Variants in NCKAP1 observed in about 807,000 individuals in gnomAD.
NCKAP1 encodes the protein NCK associated protein 1.
Under a neutral mutation model 151.2 loss-of-function variants are expected in NCKAP1, and 21 were observed. The ratio of observed to expected loss-of-function variants is 0.14; its 90% CI spans 0.10 to 0.20. The LOEUF (loss-of-function observed/expected upper bound fraction) is 0.20, where lower values mean the gene tolerates loss of function less well. NCKAP1 is among the 10% of genes least tolerant of loss of function. The pLI, the probability that NCKAP1 is intolerant of heterozygous loss-of-function variation, is 1.00. For missense variants in NCKAP1, 933 were observed against 1,352.1 expected (o/e 0.69, Z 4.86); for synonymous variants, 484 against 451.8 (o/e 1.07, Z -0.90).
intron 17 of NCKAP1, 36 bp from the exon 18 acceptor site, chr2:182,962,314 T>A: frequency 6.5e-7 from 1 of 1,542,092 alleles, no homozygotes; most frequent in South Asian, 1.2e-5. Flanking sequence ...ATACAAGTTA[T>A]AAAGAAAGTA....
At chr2:183,021,736 T>C (rs1372205849) in intron 2 of NCKAP1, among the ~76,000 whole-genome samples, 1 of 152,156 alleles carries the variant, frequency 6.6e-6, no homozygotes, top group African/African-American at 2.4e-5. Context: ...ATCTTCAGAA[T>C]AGGCACAGAG....
At chr2:182,962,794 C>A (rs1248578803) in intron 17 of NCKAP1, among the ~76,000 whole-genome samples, 2 of 150,528 alleles carry the variant, frequency 1.3e-5, no homozygotes, top group East Asian at 3.9e-4. Context: ...ATTCAAATCT[C>A]TAAAATCAAA....
chr2:182,935,165 T>C, intron 25 of NCKAP1, 128 bp downstream of exon 25: 2 of 714,250 alleles, frequency 2.8e-6, no homozygotes, highest in Non-Finnish European at 4.5e-6. Context: ...TGTTATTTTC[T>C]GTAACTACTA....
intron 29 of NCKAP1, among the ~76,000 whole-genome samples, chr2:182,927,558 G>A (rs1336958993): frequency 6.7e-6 from 1 of 149,388 alleles, no homozygotes; most frequent in Non-Finnish European, 1.5e-5. Flanking sequence ...AGAAAAGAAA[G>A]AACTACATTG....
intron 29 of NCKAP1, 92 bp from the exon 30 acceptor site, chr2:182,926,997 A>T (rs1363007126): frequency 2.5e-6 from 2 of 795,320 alleles, no homozygotes; most frequent in Admixed American, 2.5e-5. Flanking sequence ...AACACATTTC[A>T]ATCATTCAGT....
intron 15 of NCKAP1, 152 bp from the exon 16 acceptor site, chr2:182,967,513 C>T (rs926337741): frequency 1.5e-6 from 1 of 676,058 alleles, no homozygotes; most frequent in Non-Finnish European, 2.4e-6. Context: ...TCTGTAGTGA[C>T]CCTACCTTGA....
chr2:182,978,779 C>A, intron 14 of NCKAP1, 55 bp downstream of exon 14: 1 of 1,051,934 alleles, frequency 9.5e-7, no homozygotes, highest in Admixed American at 2.5e-5. Flanking sequence ...CCTTAATAAT[C>A]AAGTTTGAAA....
chr2:183,028,818 T>C (rs1698948522), intron 1 of NCKAP1, among the ~76,000 whole-genome samples: 1 of 152,126 alleles, frequency 6.6e-6, no homozygotes. Context: ...AGATTTTCCA[T>C]AAAAACAATT....
At chr2:182,926,364 C>T (rs953053292) in intron 30 of NCKAP1, among the ~76,000 whole-genome samples, 1 of 152,014 alleles carries the variant, frequency 6.6e-6, no homozygotes, top group East Asian at 1.9e-4. Flanking sequence ...AGGAAAATAA[C>T]TCTAAGTGGG....
At chr2:182,953,026 T>G (rs1575026469) in intron 21 of NCKAP1, 87 bp downstream of exon 21, 2 of 1,475,930 alleles carry the variant, frequency 1.4e-6, no homozygotes, top group East Asian at 4.6e-5. Context: ...ATAATATGAA[T>G]AAGTACTTAT....
In NCKAP1 at chr2:182,989,994, A is replaced by AAT. The variant is rs748958173; in HGVS notation, c.791-810_791-809dup. ...GACAGAGCAAGACTCTGTCTCAAAA[A>AAT]ATATATATATATAATTTATATATAT... On this transcript the variant is annotated intron_variant, in intron 8 of 30. Coordinates refer to ENST00000361354, the MANE Select transcript of NCKAP1 (RefSeq NM_013436.5). Among the ~76,000 whole-genome samples, 760 of 150,044 alleles carry AAT rather than the reference A, an allele frequency of 5.1e-3. 11 individuals carry two copies. Among genetic ancestry groups the AAT allele is most frequent in the African/African-American group, 0.017 (716 of 41,140 alleles).
chr2:183,009,230 C>T (rs554090675), intron 2 of NCKAP1, among the ~76,000 whole-genome samples: 4 of 151,982 alleles, frequency 2.6e-5, no homozygotes, highest in African/African-American at 7.2e-5. Context: ...AAAAATTAGC[C>T]GGCATGGCAG....
chr2:183,010,740 G>C (rs1698577138), intron 2 of NCKAP1, among the ~76,000 whole-genome samples: 1 of 152,098 alleles, frequency 6.6e-6, no homozygotes, highest in African/African-American at 2.4e-5. Context: ...TATATACCGT[G>C]GTATAGTGGG....
At chr2:183,001,616 C>T (rs972340279) in intron 6 of NCKAP1, among the ~76,000 whole-genome samples, 11 of 152,012 alleles carry the variant, frequency 7.2e-5, no homozygotes, top group East Asian at 1.9e-4. Flanking sequence ...TTAAGTAACT[C>T]GACAAATATT....
chr2:182,983,112 G>A (rs1429876753), intron 11 of NCKAP1, among the ~76,000 whole-genome samples, 174 bp downstream of exon 11: 2 of 152,192 alleles, frequency 1.3e-5, no homozygotes, highest in Non-Finnish European at 2.9e-5. Context: ...ATATAAGGGA[G>A]AAGAATGCAG....
Position 182,957,509 on chromosome 2 carries a change from T to C in NCKAP1, c.1969A>G (p.Arg657Gly). 1.2e-6 allele frequency: 2 copies of C among 1,614,064 alleles called. No homozygotes were observed. Among genetic ancestry groups the C allele is most frequent in the Non-Finnish European group, 1.7e-6 (2 of 1,179,946 alleles). ...ATGCTCTCAACACCTGGTTTCTCCC[T>C]TTCAGGTTCCCCTTTCTTACCAGTC... ...KQTGKKGEPE[R>G]EKPGVESMRK... Residue 657 changes from arginine (R) to glycine (G), a missense_variant, in exon 19 of 31, where the codon AGG (arginine) becomes GGG (glycine). Physicochemically the swap from Arg to Gly is moderately radical, Grantham distance 125. Coordinates refer to ENST00000361354, the MANE Select transcript of NCKAP1 (RefSeq NM_013436.5).
At chr2:182,969,701 G>C (rs1399542231) in intron 15 of NCKAP1, among the ~76,000 whole-genome samples, 4 of 151,932 alleles carry the variant, frequency 2.6e-5, no homozygotes, top group African/African-American at 9.7e-5. Context: ...AAAGTAGAAA[G>C]ACCAAATAAC....
rs752431522 is a variant in NCKAP1 at position 182,962,290 on chromosome 2, GAAT to G, written c.1762-15_1762-13del. 39 of 1,569,770 alleles carry G rather than the reference GAAT, an allele frequency of 2.5e-5. No individual in the cohort carries two copies. The highest frequency in any genetic ancestry group is 4.1e-5 in the African/African-American group (3 of 73,860). The stretch of plus-strand genomic sequence containing the variant: ...CCAATATGATGTCGCTGTGAAGGCA[GAAT>G]AATAATAATAATACAAGTTATAAAG... On this transcript the variant is annotated splice_polypyrimidine_tract_variant and intron_variant, in intron 17 of 30. Coordinates refer to ENST00000361354, the MANE Select transcript of NCKAP1 (RefSeq NM_013436.5).
In NCKAP1 at chr2:182,950,915, C is replaced by T. The variant is rs190704906; in HGVS notation, c.2601+1490G>A. ...TGGTGTGATCTCAGCTTACTGCAAC[C>T]TCCGCCTCCCGGGTTCAAGTGATTC... On this transcript the variant is annotated intron_variant, in intron 23 of 30. Transcript: ENST00000361354. Among the ~76,000 whole-genome samples, 332 of 152,112 alleles carry T rather than the reference C, an allele frequency of 2.2e-3. 2 individuals are homozygous for T. Among genetic ancestry groups the T allele is most frequent in the African/African-American group, 7.8e-3 (322 of 41,498 alleles).
Sources: gnomAD v4.1 joint callset for allele counts (sites outside exome capture counted in the v4.1 genomes callset) on GRCh38, gnomAD v4.1.1 for gene constraint, MANE v1.5 for transcripts, NCBI Gene and HGNC (gene_info 2026-07-23, HGNC 2026-07-21) for gene names.